Variants in AKAP13 observed in about 807,000 individuals in gnomAD.
AKAP13 encodes the protein A-kinase anchoring protein 13.
In AKAP13, 80 loss-of-function variants were observed where a neutral mutation model predicts 264.5. The ratio of observed to expected loss-of-function variants is 0.30; its 90% CI spans 0.25 to 0.36. The LOEUF is 0.36. Among genes scored for constraint, AKAP13 ranks in the 10% least tolerant of loss-of-function variants. AKAP13 has a pLI of 1.00. For synonymous variants in AKAP13, 1,380 were observed against 1,250.2 expected (o/e 1.10, Z -2.19); for missense variants, 3,712 against 3,435.2 (o/e 1.08, Z -2.01).
intron 1 of AKAP13, among the ~76,000 whole-genome samples, chr15:85,438,690 C>A (rs887759181): frequency 2.0e-5 from 3 of 150,964 alleles, no homozygotes; most frequent in Non-Finnish European, 3.0e-5. Flanking sequence ...TGATCTTTGA[C>A]AAACCTGAGA....
At chr15:85,640,987 C>T (rs1214627105) in intron 9 of AKAP13, among the ~76,000 whole-genome samples, 2 of 152,122 alleles carry the variant, frequency 1.3e-5, no homozygotes, top group South Asian at 4.1e-4. Flanking sequence ...TGTAAAATCT[C>T]GATTTAACAG....
At chr15:85,557,820 A>T (rs911111710) in intron 5 of AKAP13, among the ~76,000 whole-genome samples, 2 of 152,168 alleles carry the variant, frequency 1.3e-5, no homozygotes, top group African/African-American at 4.8e-5. Flanking sequence ...ATATTTGGAT[A>T]CTTTTGATTT....
intron 1 of AKAP13, among the ~76,000 whole-genome samples, chr15:85,456,634 G>A (rs1417693070): frequency 6.7e-6 from 1 of 148,838 alleles, no homozygotes; most frequent in Non-Finnish European, 1.5e-5. Context: ...ACTGCAAACT[G>A]TGGCCTCCCG....
intron 8 of AKAP13, among the ~76,000 whole-genome samples, chr15:85,621,903 G>A (rs922804115): frequency 6.6e-6 from 1 of 152,068 alleles, no homozygotes; most frequent in Non-Finnish European, 1.5e-5. Context: ...GTACTATCCT[G>A]CCCAATAAAT....
chr15:85,479,693 A>G (rs1292105911), intron 1 of AKAP13, among the ~76,000 whole-genome samples: 1 of 152,144 alleles, frequency 6.6e-6, no homozygotes, highest in Non-Finnish European at 1.5e-5. Context: ...ATATGCTGAG[A>G]TCACCAAGTT....
At chr15:85,661,913 A>C (rs574717147) in intron 12 of AKAP13, among the ~76,000 whole-genome samples, 3 of 152,064 alleles carry the variant, frequency 2.0e-5, no homozygotes, top group East Asian at 1.9e-4. Context: ...AAAAAAAAAA[A>C]AAAAAACCGG....
chr15:85,636,739 C>T (rs942978648), intron 8 of AKAP13, among the ~76,000 whole-genome samples: 3 of 152,012 alleles, frequency 2.0e-5, no homozygotes, highest in African/African-American at 7.2e-5. Flanking sequence ...CTCAGGCTCC[C>T]TAGTAGCTGG....
chr15:85,608,361 A>T (rs2080445696), intron 8 of AKAP13, among the ~76,000 whole-genome samples: 1 of 152,164 alleles, frequency 6.6e-6, no homozygotes, highest in Non-Finnish European at 1.5e-5. Flanking sequence ...TAGGGTTGTG[A>T]TTGTGGTGGT....
intron 4 of AKAP13, among the ~76,000 whole-genome samples, chr15:85,541,637 A>C (rs1002156595): frequency 2.6e-5 from 4 of 152,324 alleles, no homozygotes; most frequent in South Asian, 2.1e-4. Flanking sequence ...TTTGATTTTA[A>C]ATCCTGATCT....
Position 85,574,751 on chromosome 15 carries a change from A to G in AKAP13, c.663-380A>G, listed in dbSNP as rs565304935. On this transcript the variant is annotated intron_variant, in intron 5 of 36. Transcript: ENST00000394518. ...TTGACTGTAGTTAGCATATGGTCTAATTTATTTTAAGAGCACCTCTTAATA... is the reference window on the plus strand; with the variant it reads ...TTGACTGTAGTTAGCATATGGTCTAGTTTATTTTAAGAGCACCTCTTAATA... Among the ~76,000 whole-genome samples the G allele has an allele frequency of 2.6e-5, 4 of 152,312 alleles. No individual in the cohort carries two copies. The South Asian group carries it at 8.3e-4, about 32-fold the overall frequency.
intron 8 of AKAP13, among the ~76,000 whole-genome samples, chr15:85,639,035 T>A (rs982470542): frequency 2.6e-5 from 4 of 152,194 alleles, no homozygotes; most frequent in Non-Finnish European, 5.9e-5. Flanking sequence ...TTGGGATTAC[T>A]GGCATGAGCC....
chr15:85,720,086 G>T (rs985730135), intron 23 of AKAP13, among the ~76,000 whole-genome samples: 1 of 152,062 alleles, frequency 6.6e-6, no homozygotes, highest in African/African-American at 2.4e-5. Context: ...GTGAAAAAAT[G>T]AGCCAGGTGT....
At chr15:85,714,516 T>G (rs1303692888) in intron 19 of AKAP13, among the ~76,000 whole-genome samples, 1 of 152,248 alleles carries the variant, frequency 6.6e-6, no homozygotes, top group Non-Finnish European at 1.5e-5. Context: ...GAAGAATCAC[T>G]TGAGCCTGTA....
intron 5 of AKAP13, among the ~76,000 whole-genome samples, chr15:85,572,955 C>T (rs1030589052): frequency 2.0e-5 from 3 of 152,130 alleles, no homozygotes; most frequent in Non-Finnish European, 2.9e-5. Flanking sequence ...TTGCTGAGAA[C>T]GATGGTTTCT....
intron 8 of AKAP13, among the ~76,000 whole-genome samples, chr15:85,614,884 A>G (rs1463654476): frequency 6.6e-6 from 1 of 152,224 alleles, no homozygotes; most frequent in Admixed American, 6.5e-5. Flanking sequence ...CCTGGCAAAC[A>G]GGAGGTATTC....
Position 85,581,630 on chromosome 15 carries a change from C to A in AKAP13, c.3562C>A (p.Leu1188Met), listed in dbSNP as rs371702364. Residue 1188 changes from leucine to methionine, a missense_variant, in exon 7 of 37, where the codon CTG (leucine) becomes ATG (methionine). Coordinates refer to ENST00000394518, the MANE Select transcript of AKAP13 (RefSeq NM_007200.5). ...QIDDEAHPVL[L>M]QPVAKELPTD... ...AGACGATGAAGCACATCCTGTCCTA[C>A]TGCAGCCTGTTGCCAAGGAGCTCCC... 7.4e-6 allele frequency: 12 copies of A among 1,614,092 alleles called. No homozygotes were observed. The highest frequency in any genetic ancestry group is 8.5e-6 in the Non-Finnish European group (10 of 1,180,054).
At chr15:85,391,409 A>G (rs1261106635) in intron 1 of AKAP13, among the ~76,000 whole-genome samples, 1 of 152,154 alleles carries the variant, frequency 6.6e-6, no homozygotes, top group African/African-American at 2.4e-5. Context: ...GAAGGAGGCT[A>G]CTGCAAAGTA....
chr15:85,634,002 T>C (rs1002876430), intron 8 of AKAP13, among the ~76,000 whole-genome samples: 1 of 152,234 alleles, frequency 6.6e-6, no homozygotes, highest in Non-Finnish European at 1.5e-5. Flanking sequence ...CCAGGGCACC[T>C]GCTGAAGATT....
chr15:85,728,835 C>T (rs1254946851), intron 29 of AKAP13, among the ~76,000 whole-genome samples: 2 of 151,174 alleles, frequency 1.3e-5, no homozygotes, highest in Non-Finnish European at 2.9e-5. Flanking sequence ...ACAAGGGACT[C>T]ATGTAATTAA....
Sources: gnomAD v4.1 joint callset for allele counts (sites outside exome capture counted in the v4.1 genomes callset) on GRCh38, gnomAD v4.1.1 for gene constraint, MANE v1.5 for transcripts, NCBI Gene and HGNC (gene_info 2026-07-23, HGNC 2026-07-21) for gene names.